The following MAP2 variants were observed in gnomAD, a reference collection of about 807,000 sequenced individuals.
The protein encoded by MAP2 is microtubule-associated protein 2.
In MAP2, 14 loss-of-function variants were observed where a neutral mutation model predicts 137.6. That is an observed-to-expected ratio of 0.10 (90% confidence interval 0.07 to 0.16). The LOEUF is 0.16. Among genes scored for constraint, MAP2 ranks in the 10% least tolerant of loss-of-function variants. MAP2 has a pLI of 1.00. For synonymous variants in MAP2, 786 were observed against 782.3 expected (o/e 1.00, Z -0.08); for missense variants, 2,088 against 2,191.5 (o/e 0.95, Z 0.94).
At chr2:209,526,492 C>T (rs2064073231) in intron 2 of MAP2, among the ~76,000 whole-genome samples, 1 of 149,318 alleles carries the variant, frequency 6.7e-6, no homozygotes, top group Non-Finnish European at 1.5e-5. Flanking sequence ...TGGTTTGTTT[C>T]TTTATTTTTT....
At chr2:209,634,876 A>C (rs999242890) in intron 4 of MAP2, among the ~76,000 whole-genome samples, 3 of 152,152 alleles carry the variant, frequency 2.0e-5, no homozygotes, top group African/African-American at 7.2e-5. Context: ...ATAATAATAG[A>C]GAAAGCAAGC....
At chr2:209,528,826 G>A (rs1360262433) in intron 2 of MAP2, among the ~76,000 whole-genome samples, 5 of 149,442 alleles carry the variant, frequency 3.3e-5, no homozygotes, top group African/African-American at 7.4e-5. Context: ...ATATGTATAT[G>A]TACATATGTA....
chr2:209,559,528 G>A (rs1169553764), intron 2 of MAP2, among the ~76,000 whole-genome samples: 8 of 145,504 alleles, frequency 5.5e-5, no homozygotes, highest in African/African-American at 1.8e-4. Flanking sequence ...AAGCATGCCT[G>A]TAATCCCAGC....
chr2:209,604,464 G>A (rs1296414354), intron 3 of MAP2, among the ~76,000 whole-genome samples: 5 of 152,130 alleles, frequency 3.3e-5, no homozygotes, highest in African/African-American at 1.2e-4. Context: ...ATTCATTTTG[G>A]TGATACATTT....
chr2:209,556,825 T>C (rs1452375659), intron 2 of MAP2, among the ~76,000 whole-genome samples: 1 of 152,134 alleles, frequency 6.6e-6, no homozygotes, highest in African/African-American at 2.4e-5. Flanking sequence ...AAACTACATA[T>C]ATAAAATTAT....
intron 1 of MAP2, among the ~76,000 whole-genome samples, chr2:209,451,600 C>T (rs1700332264): frequency 6.6e-6 from 1 of 152,166 alleles, no homozygotes; most frequent in South Asian, 2.1e-4. Context: ...GTTTCCGTAA[C>T]CTTATCCGTA....
intron 2 of MAP2, among the ~76,000 whole-genome samples, chr2:209,552,278 T>C (rs982713970): frequency 3.9e-5 from 6 of 152,288 alleles, no homozygotes; most frequent in Non-Finnish European, 8.8e-5. Flanking sequence ...TAACCTGTTA[T>C]GAACAAAAAT....
At chr2:209,540,630 C>CAAAAAAAAAAAAAAAAAAAAAAAAAAA (rs749183996) in intron 2 of MAP2, among the ~76,000 whole-genome samples, 4 of 27,594 alleles carry the variant, frequency 1.4e-4, no homozygotes, top group Admixed American at 6.8e-4. Context: ...GACTCCGTCT[C>CAAAAAAAAAAAAAAAAAAAAAAAAAAA]AAAAAAAAAA....
intron 3 of MAP2, among the ~76,000 whole-genome samples, chr2:209,582,181 CTT>C (rs1296229859): frequency 2.0e-5 from 3 of 151,956 alleles, no homozygotes; most frequent in Non-Finnish European, 4.4e-5. Flanking sequence ...TCCCCTATTA[CTT>C]TTTTGTTCTT....
chr2:209,552,309 C>A (rs2069363510), intron 2 of MAP2, among the ~76,000 whole-genome samples: 1 of 152,124 alleles, frequency 6.6e-6, no homozygotes, highest in Non-Finnish European at 1.5e-5. Context: ...GCATTTGGAA[C>A]TTTTACATGT....
intron 2 of MAP2, among the ~76,000 whole-genome samples, chr2:209,527,803 G>C (rs2064305440): frequency 1.3e-5 from 2 of 152,158 alleles, no homozygotes; most frequent in Non-Finnish European, 2.9e-5. Context: ...TAGTGAATCA[G>C]AAATGTGTGG....
At chr2:209,498,965 T>A (rs558502308) in intron 1 of MAP2, among the ~76,000 whole-genome samples, 6 of 152,326 alleles carry the variant, frequency 3.9e-5, no homozygotes, top group Admixed American at 3.3e-4. Context: ...TGCAAATTTC[T>A]CTAGCAAGTG....
chr2:209,487,021 G>A lies in MAP2; in HGVS notation c.-221-20571G>A, dbSNP rs565001596. On this transcript the variant is annotated intron_variant, in intron 1 of 15. Transcript: ENST00000682079. The stretch of plus-strand genomic sequence containing the variant: ...TATAGATTCCATTAGAATTCTGACC[G>A]TTTTTTGGTCCCTTTTATGTAACAT... Among the ~76,000 whole-genome samples, 18 of 152,202 alleles carry A rather than the reference G, an allele frequency of 1.2e-4. No homozygotes were observed. The South Asian group carries it at 1.7e-3, about 14-fold the overall frequency.
chr2:209,579,876 T>G (rs370674064), intron 2 of MAP2, 160 bp from the exon 3 acceptor site: 2 of 152,136 alleles, frequency 1.3e-5, no homozygotes, highest in South Asian at 2.1e-4. Flanking sequence ...TTCCTAAATA[T>G]TCAAGTACTG....
chr2:209,608,993 A>G (rs990228321), intron 3 of MAP2, among the ~76,000 whole-genome samples: 1 of 152,038 alleles, frequency 6.6e-6, no homozygotes, highest in Non-Finnish European at 1.5e-5. Flanking sequence ...TCTCTGATTC[A>G]CATAGTCCCT....
chr2:209,441,145 T>C (rs1697659407), intron 1 of MAP2, among the ~76,000 whole-genome samples: 1 of 151,392 alleles, frequency 6.6e-6, no homozygotes, highest in African/African-American at 2.4e-5. Flanking sequence ...TGAGACAAAG[T>C]TTTGGGAAAA....
At chr2:209,499,104 A>G (rs1206093877) in intron 1 of MAP2, among the ~76,000 whole-genome samples, 1 of 152,110 alleles carries the variant, frequency 6.6e-6, no homozygotes, top group Non-Finnish European at 1.5e-5. Context: ...CCAATTCTTA[A>G]TCTTTTATTT....
Position 209,540,501 on chromosome 2 carries a change from C to T in MAP2, c.-172+32860C>T, listed in dbSNP as rs559928387. On this transcript the variant is annotated intron_variant, in intron 2 of 15. Coordinates refer to ENST00000682079, the MANE Select transcript of MAP2 (RefSeq NM_001375505.1). ...ACGAAAATTGCCGAGCGTGGTGGCA[C>T]GCGTCTGTAATCCCAGCTACTCAGG... Among the ~76,000 whole-genome samples, 8 of 143,084 alleles carry T rather than the reference C, an allele frequency of 5.6e-5. No individual in the cohort carries two copies. The East Asian group carries it at 1.4e-3, about 25-fold the overall frequency. The allele number at this position is 143,084 out of a possible 152,430, so 93.9% of individuals were successfully genotyped here. A position where few individuals can be genotyped will look rare whatever the true frequency, so the allele number is the denominator to read the frequency against.
At chr2:209,437,901 T>A (rs552631133) in intron 1 of MAP2, among the ~76,000 whole-genome samples, 2 of 151,710 alleles carry the variant, frequency 1.3e-5, no homozygotes, top group East Asian at 3.9e-4. Context: ...TTGTTTAGAG[T>A]CACAGAGAAT....
Sources: gnomAD v4.1 joint callset for allele counts (sites outside exome capture counted in the v4.1 genomes callset) on GRCh38, gnomAD v4.1.1 for gene constraint, MANE v1.5 for transcripts, NCBI Gene and HGNC (gene_info 2026-07-23, HGNC 2026-07-21) for gene names.